WDFY3: variants seen among roughly 807,000 people sequenced by gnomAD.
The protein encoded by WDFY3 is WD repeat and FYVE domain-containing protein 3.
A neutral mutation model predicts 409.6 loss-of-function variants in WDFY3; 66 were observed. That is an observed-to-expected ratio of 0.16 (90% CI 0.13 to 0.20). The LOEUF is 0.20. WDFY3 is among the 10% of genes least tolerant of loss of function. WDFY3 has a pLI of 1.00. For synonymous variants in WDFY3, 1,521 were observed against 1,537.1 expected (o/e 0.99, Z 0.25); for missense variants, 3,031 against 4,298.1 (o/e 0.71, Z 8.24).
chr4:84,775,556 A>C (rs1487382817), intron 27 of WDFY3, among the ~76,000 whole-genome samples: 1 of 151,994 alleles, frequency 6.6e-6, no homozygotes, highest in Non-Finnish European at 1.5e-5. Context: ...ATAACAATAG[A>C]AATTATTCAG....
intron 3 of WDFY3, among the ~76,000 whole-genome samples, chr4:84,880,375 C>T (rs997689841): frequency 1.3e-5 from 2 of 151,844 alleles, no homozygotes; most frequent in African/African-American, 4.8e-5. Flanking sequence ...AGCAATAGGA[C>T]ATCAATATAC....
At chr4:84,894,699 T>A (rs929812871) in intron 3 of WDFY3, among the ~76,000 whole-genome samples, 1 of 151,954 alleles carries the variant, frequency 6.6e-6, no homozygotes, top group East Asian at 1.9e-4. Context: ...GACAAGAGAA[T>A]TGCTTCAACC....
rs145637688 is a variant in WDFY3 at position 84,828,575 on chromosome 4, C to T, written c.956+429G>A. Reference sequence around the variant, plus strand: ...GCATTTGGCAATTTAACTCTAAATTCACTTTTCCACTCTGTTGGCAGAACA... The same window carrying T: ...GCATTTGGCAATTTAACTCTAAATTTACTTTTCCACTCTGTTGGCAGAACA... On this transcript the variant is annotated intron_variant, in intron 9 of 67. Coordinates refer to ENST00000295888, the MANE Select transcript of WDFY3 (RefSeq NM_014991.6). Among the ~76,000 whole-genome samples the T allele has an allele frequency of 8.3e-3, 1,271 of 152,268 alleles. 16 individuals carry two copies. Among genetic ancestry groups the T allele is most frequent in the Non-Finnish European group, 0.013 (909 of 68,016 alleles).
At chr4:84,914,686 T>C (rs545000851) in intron 2 of WDFY3, among the ~76,000 whole-genome samples, 1 of 152,156 alleles carries the variant, frequency 6.6e-6, no homozygotes, top group Non-Finnish European at 1.5e-5. Flanking sequence ...AAATGGAAAA[T>C]AACAAGTGCT....
chr4:84,745,767 TAATAC>T (rs1739327420), intron 36 of WDFY3, among the ~76,000 whole-genome samples: 1 of 152,080 alleles, frequency 6.6e-6, no homozygotes, highest in Admixed American at 6.6e-5. Context: ...TTGAACAGAT[TAATAC>T]AATAGCGAGC....
chr4:84,834,880 G>A (rs1170921320), intron 7 of WDFY3, among the ~76,000 whole-genome samples: 1 of 152,182 alleles, frequency 6.6e-6, no homozygotes, highest in Non-Finnish European at 1.5e-5. Flanking sequence ...ATAAGTTCGT[G>A]TCAATTGGTT....
At chr4:84,727,742 T>C (rs1735901075) in intron 44 of WDFY3, among the ~76,000 whole-genome samples, 1 of 152,158 alleles carries the variant, frequency 6.6e-6, no homozygotes, top group Non-Finnish European at 1.5e-5. Context: ...TTCCCTATAG[T>C]AAACATGAGC....
In WDFY3 at chr4:84,709,011, G is replaced by A; in HGVS notation, c.8115C>T (p.Asn2705=). The part of the protein sequence containing the change: ...TQRWERGEIS[N]FQYLMHLNTL... The stretch of plus-strand genomic sequence containing the variant: ...TGTTCAAATGCATCAAATATTGGAA[G>A]TTGCTGATTTCACCTCTCTGGAAAA... The change falls in exon 53 of 68, where the codon AAC becomes AAT. Residue 2705 remains asparagine (N), a synonymous_variant. Transcript: ENST00000295888. 2 of 1,613,914 alleles carry A rather than the reference G, an allele frequency of 1.2e-6. No individual in the cohort carries two copies. Among genetic ancestry groups the A allele is most frequent in the Non-Finnish European group, 1.7e-6 (2 of 1,179,920 alleles).
rs1747792769 is a variant in WDFY3, at chr4:84,787,660, C to T, written c.3723G>A (p.Val1241=). The stretch of plus-strand genomic sequence containing the variant: ...CAATGTAGGCATAGACCGTGCTCAC[C>T]ACTGGTGGATTTGCCGAACCTGAAC... ...PGGSGSANPP[V]VSTVYAYIGT... Residue 1241 remains valine, a synonymous_variant, in exon 23 of 68, where the codon GTG becomes GTA. Transcript: ENST00000295888. 1 of 1,614,014 alleles carries T rather than the reference C, an allele frequency of 6.2e-7. No individual in the cohort carries two copies. The highest frequency in any genetic ancestry group is 1.7e-5 in the Admixed American group (1 of 59,994).
At chr4:84,936,135 T>C (rs1771373253) in intron 1 of WDFY3, among the ~76,000 whole-genome samples, 2 of 152,200 alleles carry the variant, frequency 1.3e-5, no homozygotes. Context: ...CAGACTTAGC[T>C]AGATGATTAG....
intron 3 of WDFY3, among the ~76,000 whole-genome samples, chr4:84,873,528 C>T (rs1360967271): frequency 6.6e-6 from 1 of 151,930 alleles, no homozygotes; most frequent in Non-Finnish European, 1.5e-5. Flanking sequence ...TAAATGTATA[C>T]ATTATAAAAG....
At chr4:84,698,667 G>A (rs1730553792) in intron 56 of WDFY3, among the ~76,000 whole-genome samples, 1 of 150,140 alleles carries the variant, frequency 6.7e-6, no homozygotes, top group Non-Finnish European at 1.5e-5. Context: ...ATAGCAAGGG[G>A]AAAAAAAAAT....
At chr4:84,702,606 A>AGT in intron 55 of WDFY3, 100 bp from the exon 56 acceptor site, 2 of 1,053,986 alleles carry the variant, frequency 1.9e-6, no homozygotes, top group Non-Finnish European at 2.6e-6. Flanking sequence ...AGTTGGTGAC[A>AGT]TTTCAATTTC....
chr4:84,739,818 T>C (rs1738088995), intron 39 of WDFY3, among the ~76,000 whole-genome samples: 1 of 152,126 alleles, frequency 6.6e-6, no homozygotes, highest in African/African-American at 2.4e-5. Flanking sequence ...GAAATATCTG[T>C]CAAAGCAATC....
chr4:84,847,168 A>G (rs1758181513), intron 5 of WDFY3, among the ~76,000 whole-genome samples: 2 of 152,070 alleles, frequency 1.3e-5, no homozygotes, highest in African/African-American at 2.4e-5. Context: ...CAAAGTGCTG[A>G]GTCAGGCATA....
At chr4:84,917,689 G>A (rs1768692411) in intron 2 of WDFY3, among the ~76,000 whole-genome samples, 1 of 151,640 alleles carries the variant, frequency 6.6e-6, no homozygotes, top group South Asian at 2.1e-4. Flanking sequence ...AAATGCGAGG[G>A]CAATAATAAA....
At chr4:84,786,872 T>G (rs1245669759) in intron 23 of WDFY3, among the ~76,000 whole-genome samples, 1 of 152,150 alleles carries the variant, frequency 6.6e-6, no homozygotes, top group Non-Finnish European at 1.5e-5. Flanking sequence ...TTACTAAATC[T>G]TAGGATTATG....
intron 15 of WDFY3, 124 bp downstream of exon 15, chr4:84,808,207 AAAC>A (rs1430313356): frequency 7.6e-6 from 6 of 788,900 alleles, no homozygotes; most frequent in Non-Finnish European, 1.2e-5. Context: ...CCAAAAGTAA[AAAC>A]AAAACAAAAC....
rs869074191 is a variant in WDFY3 at position 84,850,928 on chromosome 4, G to GTTTTTTTTTT, written c.181-913_181-904dup. Among the ~76,000 whole-genome samples, 25 of 46,238 alleles carry GTTTTTTTTTT rather than the reference G, an allele frequency of 5.4e-4. 2 individuals are homozygous for GTTTTTTTTTT. The highest frequency in any genetic ancestry group is 0.011 in the Middle Eastern group (1 of 90). 30.3% of individuals were successfully genotyped at this position (46,238 alleles called of 152,430 possible). A position where few individuals can be genotyped will look rare whatever the true frequency, so the allele number is the denominator to read the frequency against. Reference sequence around the variant, plus strand: ...TTCTTATTTTTAATTTTATTTATCTGTTTTTTTTTTTTTTTTTTTTTTTTT... The same window carrying GTTTTTTTTTT: ...TTCTTATTTTTAATTTTATTTATCTGTTTTTTTTTTTTTTTTTTTTTTTTTTTTTTTTTTT... On this transcript the variant is annotated intron_variant, in intron 4 of 67. Transcript: ENST00000295888.
Sources: allele counts gnomAD v4.1 joint callset (sites outside exome capture counted in the v4.1 genomes callset), GRCh38; gene constraint gnomAD v4.1.1; transcripts MANE v1.5; gene names NCBI Gene and HGNC (gene_info 2026-07-23, HGNC 2026-07-21).